Variants in SHISA9 observed in about 807,000 individuals in gnomAD.
SHISA9 encodes protein shisa-9.
A neutral mutation model predicts 38.0 loss-of-function variants in SHISA9; 13 were observed. That is an observed-to-expected ratio of 0.34 (90% confidence interval 0.22 to 0.54). SHISA9 has a LOEUF of 0.54. Among genes scored for constraint, SHISA9 ranks in the 20% least tolerant of loss-of-function variants. SHISA9 has a pLI of 0.91. For synonymous variants in SHISA9, 275 were observed against 242.0 expected (o/e 1.14, Z -1.27); for missense variants, 538 against 575.8 (o/e 0.93, Z 0.67).
chr16:13,436,091 A>T, the SHISA9 span, among the ~76,000 whole-genome samples: 1 of 152,190 alleles, frequency 6.6e-6, no homozygotes, highest in African/African-American at 2.4e-5. Context: ...GAGGTGTTAG[A>T]ACCAGAGTGA....
chr16:13,413,317 T>G, the SHISA9 span, among the ~76,000 whole-genome samples: 1 of 152,188 alleles, frequency 6.6e-6, no homozygotes, highest in Non-Finnish European at 1.5e-5. Context: ...TTGTCATCAG[T>G]TTTTATCTTT....
the SHISA9 span, among the ~76,000 whole-genome samples, chr16:13,321,518 T>C: frequency 1.6e-4 from 24 of 152,208 alleles, no homozygotes; most frequent in African/African-American, 5.8e-4. Flanking sequence ...AATAAGGCCA[T>C]TATTAGCATC....
At chr16:12,971,513 A>T (rs1352229328) in intron 2 of SHISA9, among the ~76,000 whole-genome samples, 1 of 152,082 alleles carries the variant, frequency 6.6e-6, no homozygotes, top group Non-Finnish European at 1.5e-5. Context: ...TGGGGTGGGG[A>T]ACTGTGACCT....
chr16:13,226,019 T>C, intron 4 of SHISA9, among the ~76,000 whole-genome samples: 1 of 152,170 alleles, frequency 6.6e-6, no homozygotes, highest in Non-Finnish European at 1.5e-5. Flanking sequence ...GCCCACGAGG[T>C]ACCGGGGCTG....
intron 2 of SHISA9, among the ~76,000 whole-genome samples, chr16:13,164,003 C>T (rs1160554427): frequency 1.3e-5 from 2 of 151,888 alleles, no homozygotes; most frequent in Non-Finnish European, 2.9e-5. Context: ...TGGATAGAAC[C>T]TCTAGTAAAA....
chr16:13,186,538 C>A (rs1388746639), intron 2 of SHISA9, among the ~76,000 whole-genome samples: 1 of 151,990 alleles, frequency 6.6e-6, no homozygotes, highest in Non-Finnish European at 1.5e-5. Flanking sequence ...CCTCGTGATA[C>A]ACCCGCCTCT....
chr16:13,434,451 T>TCTGTCACC, the SHISA9 span, among the ~76,000 whole-genome samples: 2 of 144,310 alleles, frequency 1.4e-5, no homozygotes, highest in Non-Finnish European at 3.0e-5. Flanking sequence ...CGAGTTTCAG[T>TCTGTCACC]CTGTCACCCA....
the SHISA9 span, among the ~76,000 whole-genome samples, chr16:13,408,715 A>C: frequency 1.3e-5 from 2 of 152,150 alleles, no homozygotes; most frequent in Admixed American, 1.3e-4. Flanking sequence ...GCCTTCATAC[A>C]TTTCAAACCT....
At chr16:13,020,256 C>A (rs1341974961) in intron 2 of SHISA9, among the ~76,000 whole-genome samples, 1 of 151,712 alleles carries the variant, frequency 6.6e-6, no homozygotes, top group Non-Finnish European at 1.5e-5. Context: ...GAACTCCTGA[C>A]CTCAGGTGAT....
intron 4 of SHISA9, among the ~76,000 whole-genome samples, chr16:13,234,335 CTTT>C (rs1434782098): frequency 6.6e-6 from 1 of 152,172 alleles, no homozygotes; most frequent in African/African-American, 2.4e-5. Context: ...TATCTAAGCA[CTTT>C]ACACAGATCA....
intron 4 of SHISA9, among the ~76,000 whole-genome samples, chr16:13,232,287 T>C (rs1453479808): frequency 6.6e-6 from 1 of 151,976 alleles, no homozygotes; most frequent in African/African-American, 2.4e-5. Flanking sequence ...AATAAAAGAA[T>C]TCAGAAATTA....
intron 2 of SHISA9, among the ~76,000 whole-genome samples, chr16:13,081,809 G>T (rs1026208331): frequency 6.7e-6 from 1 of 148,384 alleles, no homozygotes; most frequent in Non-Finnish European, 1.5e-5. Flanking sequence ...GCAAGATTGC[G>T]CCACTGCACT....
the SHISA9 span, among the ~76,000 whole-genome samples, chr16:13,355,742 C>A: frequency 6.6e-6 from 1 of 152,036 alleles, no homozygotes; most frequent in African/African-American, 2.4e-5. Flanking sequence ...AAGAAAGGGA[C>A]GGGCTTACCT....
intron 2 of SHISA9, among the ~76,000 whole-genome samples, chr16:12,968,993 A>G (rs2072018136): frequency 6.6e-6 from 1 of 151,918 alleles, no homozygotes; most frequent in Admixed American, 6.6e-5. Flanking sequence ...CGTCTCTACT[A>G]AAAATACAAA....
intron 4 of SHISA9, among the ~76,000 whole-genome samples, chr16:13,217,568 A>G (rs1425129121): frequency 2.6e-5 from 4 of 152,158 alleles, no homozygotes; most frequent in African/African-American, 7.2e-5. Context: ...CCATTGCTCC[A>G]ATAGAGGAAA....
the SHISA9 span, among the ~76,000 whole-genome samples, chr16:13,328,361 G>A: frequency 6.6e-6 from 1 of 151,884 alleles, no homozygotes; most frequent in African/African-American, 2.4e-5. Flanking sequence ...CCCACCAGGG[G>A]GTTTGAACCT....
chr16:13,484,764 A>G, the SHISA9 span, among the ~76,000 whole-genome samples: 4 of 152,180 alleles, frequency 2.6e-5, no homozygotes, highest in African/African-American at 9.6e-5. Context: ...TGGCTGGATG[A>G]GCAGGAAGCG....
chr16:13,455,524 A>G, the SHISA9 span, among the ~76,000 whole-genome samples: 1 of 152,222 alleles, frequency 6.6e-6, no homozygotes, highest in Non-Finnish European at 1.5e-5. Flanking sequence ...GCTCATTGTC[A>G]TTGCTGACAG....
At chr16:13,348,702 A>G in the SHISA9 span, among the ~76,000 whole-genome samples, 13 of 152,040 alleles carry the variant, frequency 8.6e-5, no homozygotes, top group East Asian at 2.4e-3. Flanking sequence ...CATTGTGATC[A>G]GCTCTAGTCT....
Sources: gnomAD v4.1 joint callset for allele counts (sites outside exome capture counted in the v4.1 genomes callset) on GRCh38, gnomAD v4.1.1 for gene constraint, MANE v1.5 for transcripts, NCBI Gene and HGNC (gene_info 2026-07-23, HGNC 2026-07-21) for gene names.